Variants in MAST3 observed in about 807,000 individuals in gnomAD.
The protein encoded by MAST3 is microtubule-associated serine/threonine-protein kinase 3.
MAST3 carries 43 observed loss-of-function variants against 127.0 expected under a neutral mutation model. That is an observed-to-expected ratio of 0.34 (90% CI 0.27 to 0.44). The LOEUF (loss-of-function observed/expected upper bound fraction) is 0.44. Ranked by LOEUF, MAST3 falls within the 20% of genes least tolerant of loss-of-function variation. The probability of loss-of-function intolerance (pLI) is 1.00; values close to 1 mark genes in which losing one functional copy is unlikely to be tolerated. For synonymous variants in MAST3, 785 were observed against 809.2 expected (o/e 0.97, Z 0.51); for missense variants, 1,390 against 1,919.1 (o/e 0.72, Z 5.15).
Position 18,135,001 on chromosome 19 carries a change from C to A in MAST3, c.1870+19C>A. On this transcript the variant is annotated intron_variant, in intron 17 of 27. Coordinates refer to ENST00000687212, the MANE Select transcript of MAST3 (RefSeq NM_001393504.1). Reference sequence around the variant, plus strand: ...GTCAGCGGTGCGTTTCCTCCACGGGCCTGGGTTTGAGCTGCAGCCCCACCA... The same window carrying A: ...GTCAGCGGTGCGTTTCCTCCACGGGACTGGGTTTGAGCTGCAGCCCCACCA... The A allele has an allele frequency of 6.3e-7, 1 of 1,579,356 alleles. No individual in the cohort carries two copies. The highest frequency in any genetic ancestry group is 1.2e-5 in the South Asian group (1 of 85,942).
chr19:18,104,572 CGAACACCCA>C (rs1222765357), intron 1 of MAST3, among the ~76,000 whole-genome samples: 2 of 152,108 alleles, frequency 1.3e-5, no homozygotes, highest in African/African-American at 4.8e-5. Flanking sequence ...GTTGCTATGG[CGAACACCCA>C]GATCACGACG....
chr19:18,107,459 T>G, intron 1 of MAST3, 128 bp from the exon 2 acceptor site: 1 of 942,652 alleles, frequency 1.1e-6, no homozygotes, highest in Non-Finnish European at 1.7e-6. Flanking sequence ...GCTGAGCCAG[T>G]GTGTAGAGTG....
chr19:18,124,200 A>T (rs1354463986), intron 9 of MAST3, 52 bp downstream of exon 9: 1 of 1,590,432 alleles, frequency 6.3e-7, no homozygotes, highest in African/African-American at 1.3e-5. Flanking sequence ...ACGTGGAGTG[A>T]GGGGGGTCCC....
intron 5 of MAST3, 96 bp from the exon 6 acceptor site, chr19:18,122,577 C>T: frequency 9.7e-7 from 1 of 1,032,574 alleles, no homozygotes; most frequent in South Asian, 1.4e-5. Context: ...CTTCCTACAA[C>T]AGGGCCAGAA....
chr19:18,138,631 G>A (rs138330498), intron 19 of MAST3, among the ~76,000 whole-genome samples: 2,674 of 152,242 alleles, frequency 0.018, 52 homozygotes, highest in Admixed American at 0.044. Flanking sequence ...CCAAGTAGCT[G>A]GGATTACAGG....
rs770435172 is a variant in MAST3, at chr19:18,124,082, C to A, written c.777C>A (p.Gly259=). ...ELARDCLAKS[G]ENLVTSRYFL... ...CCCGAGACTGCTTGGCCAAGTCTGG[C>A]GAGAACCTCGTCACCTCCCGCTACT... Residue 259 remains glycine (G), a synonymous_variant, in exon 9 of 28, where the codon GGC becomes GGA. Transcript: ENST00000687212. 1.9e-6 allele frequency: 3 copies of A among 1,610,474 alleles called. No homozygotes were observed. The highest frequency in any genetic ancestry group is 1.3e-5 in the African/African-American group (1 of 74,806).
At chr19:18,122,117 C>T (rs1568566258) in intron 5 of MAST3, 195 bp downstream of exon 5, 1 of 985,170 alleles carries the variant, frequency 1.0e-6, no homozygotes, top group Non-Finnish European at 1.2e-6. Context: ...CCACATCCCA[C>T]GCATGGACAG....
intron 19 of MAST3, 37 bp from the exon 20 acceptor site, chr19:18,138,978 G>T: frequency 7.3e-7 from 1 of 1,371,414 alleles, no homozygotes; most frequent in Non-Finnish European, 1.0e-6. Flanking sequence ...TCATCTCTGG[G>T]CATCAGGCGT....
At chr19:18,113,279 A>C (rs1413221631) in intron 3 of MAST3, among the ~76,000 whole-genome samples, 1 of 150,076 alleles carries the variant, frequency 6.7e-6, no homozygotes, top group African/African-American at 2.4e-5. Context: ...CAGCCTCTGC[A>C]ACTCCCCTGC....
In MAST3 at chr19:18,147,036, C is replaced by G. The variant is rs1276878090; in HGVS notation, c.3318C>G (p.Thr1106=). 2.6e-6 allele frequency: 4 copies of G among 1,566,568 alleles called. No homozygotes were observed. The highest frequency in any genetic ancestry group is 3.5e-6 in the Non-Finnish European group (4 of 1,155,790). The change falls in exon 26 of 28, where the codon ACC becomes ACG. Residue 1106 remains threonine (T), a synonymous_variant. Transcript: ENST00000687212. The part of the protein sequence containing the change: ...ETQDRCAAVT[T]RERRKSLFKK... ...AGGATCGGTGCGCGGCAGTGACCAC[C>G]AGGGAGCGGTACACAGGGGGCGGGG...
chr19:18,112,163 GTTTT>G lies in MAST3; in HGVS notation c.161+1425_161+1428del, dbSNP rs1313115232. On this transcript the variant is annotated intron_variant, in intron 3 of 27. Transcript: ENST00000687212. The surrounding 1 kb of genome is among the most constrained non-coding windows in gnomAD (Gnocchi z 4.1). ...TCCTGTGGCAGGACTGAGGTGGTGG[GTTTT>G]TTGTTTTTGTTTTTTGAGACAGTCT... Among the ~76,000 whole-genome samples the G allele has an allele frequency of 6.6e-6, 1 of 152,172 alleles. No individual in the cohort carries two copies. The highest frequency in any genetic ancestry group is 1.9e-4 in the East Asian group (1 of 5,198).
At chr19:18,130,426 A>T in intron 13 of MAST3, 68 bp from the exon 14 acceptor site, 1 of 1,417,610 alleles carries the variant, frequency 7.1e-7, no homozygotes, top group Non-Finnish European at 9.7e-7. Context: ...ATCTGGGCTC[A>T]AGTTGAGCTG....
rs757453640 is a variant in MAST3, at chr19:18,149,490, C to T, written c.3808C>T (p.Arg1270Trp). 1.3e-5 allele frequency: 20 copies of T among 1,545,264 alleles called. No homozygotes were observed. The highest frequency in any genetic ancestry group is 2.7e-5 in the African/African-American group (2 of 72,942). Residue 1270 changes from arginine (R) to tryptophan (W), a missense_variant, in exon 28 of 28, where the codon CGG (arginine) becomes TGG (tryptophan). Coordinates refer to ENST00000687212, the MANE Select transcript of MAST3 (RefSeq NM_001393504.1). The surrounding 1 kb of genome is among the most constrained non-coding windows in gnomAD (Gnocchi z 5.9). ...QSADKLGTGE[R>W]LDGEAGRRTR... Reference sequence around the variant, plus strand: ...AGCTGACAAGCTGGGCACAGGGGAGCGGCTGGATGGGGAGGCGGGGCGGCG... The same window carrying T: ...AGCTGACAAGCTGGGCACAGGGGAGTGGCTGGATGGGGAGGCGGGGCGGCG...
chr19:18,141,166 C>T (rs1456121237), intron 20 of MAST3, among the ~76,000 whole-genome samples: 2 of 152,170 alleles, frequency 1.3e-5, no homozygotes, highest in African/African-American at 2.4e-5. Flanking sequence ...TCAAAAAATG[C>T]TCCACTCTGC....
chr19:18,145,634 A>G lies in MAST3; in HGVS notation c.3040-109A>G. The G allele has an allele frequency of 7.7e-7, 1 of 1,307,076 alleles. No individual in the cohort carries two copies. The highest frequency in any genetic ancestry group is 2.0e-4 in the Middle Eastern group (1 of 5,086). 81.0% of individuals were successfully genotyped at this position (1,307,076 alleles called of 1,614,324 possible). On this transcript the variant is annotated intron_variant, in intron 24 of 27. Coordinates refer to ENST00000687212, the MANE Select transcript of MAST3 (RefSeq NM_001393504.1). The surrounding 1 kb of genome is among the most constrained non-coding windows in gnomAD (Gnocchi z 5.9). The stretch of plus-strand genomic sequence containing the variant: ...CCCCCAGGATCAGGGAAACTGAGAC[A>G]GCACAAGAGGCAGCAGCTTGCTGGG...
intron 1 of MAST3, among the ~76,000 whole-genome samples, chr19:18,105,090 G>T (rs748440537): frequency 1.3e-5 from 2 of 152,152 alleles, no homozygotes; most frequent in African/African-American, 4.8e-5. Context: ...GTGATTGACC[G>T]GGTGCGATGG....
Position 18,149,409 on chromosome 19 carries a change from C to T in MAST3, c.3727C>T (p.Leu1243=), listed in dbSNP as rs766810685. 2.4e-4 allele frequency: 346 copies of T among 1,466,818 alleles called. 1 individual carries two copies. Among genetic ancestry groups the T allele is most frequent in the Middle Eastern group, 4.8e-4 (2 of 4,186 alleles). The allele number at this position is 1,466,818 out of a possible 1,614,324, so 90.9% of individuals were successfully genotyped here. The change falls in exon 28 of 28, where the codon CTG becomes TTG. Residue 1243 remains leucine, a synonymous_variant. Coordinates refer to ENST00000687212, the MANE Select transcript of MAST3 (RefSeq NM_001393504.1). This position sits in a 1 kb window ranked among gnomAD's most constrained non-coding sequence, Gnocchi z 5.9. ...GCCCCCACCCCGCTCGCCCTCGCCC[C>T]TGCCCGGGCACCCGCCCGCACCTGC... ...SAPPPRSPSP[L]PGHPPAPARS... is the part of the protein sequence containing the mutation.
chr19:18,123,824 C>G, intron 8 of MAST3, 115 bp from the exon 9 acceptor site: 1 of 1,099,764 alleles, frequency 9.1e-7, no homozygotes, highest in Non-Finnish European at 1.3e-6. Context: ...CCCTCCCACC[C>G]GATCGCCCCA....
In MAST3 at chr19:18,142,072, A is replaced by G. The variant is rs1011270392; in HGVS notation, c.2339+57A>G. The G allele has an allele frequency of 1.7e-5, 23 of 1,356,132 alleles. No individual in the cohort carries two copies. The South Asian group carries it at 4.9e-4, about 29-fold the overall frequency. 84.0% of individuals were successfully genotyped at this position (1,356,132 alleles called of 1,614,324 possible). ...AGCTTCCAAGCCTGCTGGGAGGTAGAGACACAAAATCTGATGCAAAGGGAG... is the reference window on the plus strand; with the variant it reads ...AGCTTCCAAGCCTGCTGGGAGGTAGGGACACAAAATCTGATGCAAAGGGAG... On this transcript the variant is annotated intron_variant, in intron 21 of 27. Transcript: ENST00000687212.
Sources: allele counts gnomAD v4.1 joint callset (sites outside exome capture counted in the v4.1 genomes callset), GRCh38; gene constraint gnomAD v4.1.1; non-coding constraint Gnocchi (gnomAD v3.1); transcripts MANE v1.5; gene names NCBI Gene and HGNC (gene_info 2026-07-23, HGNC 2026-07-21).